Variants in FRMD4A observed in about 807,000 individuals in gnomAD.
FRMD4A encodes the protein FERM domain containing 4A, also known as FERM domain-containing protein 4A.
A neutral mutation model predicts 129.1 loss-of-function variants in FRMD4A; 29 were observed. That is an observed-to-expected ratio of 0.22 (90% CI 0.17 to 0.31). The LOEUF is 0.31. FRMD4A is among the 10% of genes least tolerant of loss of function. The pLI is 1.00. For synonymous variants in FRMD4A, 634 were observed against 571.6 expected, an observed-to-expected ratio of 1.11 and a Z score of -1.56; for missense variants, 1,272 against 1,375.8, an observed-to-expected ratio of 0.92 and a Z score of 1.19.
intron 15 of FRMD4A, chr10:13,684,871 G>C: frequency 1.1e-6 from 1 of 876,960 alleles, no homozygotes; most frequent in South Asian, 5.2e-5. Flanking sequence ...AGACCTTAGA[G>C]AAAAAAAAAA....
Position 13,656,976 on chromosome 10 carries a change from G to T in FRMD4A, c.2613C>A (p.Asn871Lys). The T allele has an allele frequency of 6.5e-7, 1 of 1,549,350 alleles. No individual in the cohort carries two copies. The highest frequency in any genetic ancestry group is 8.7e-7 in the Non-Finnish European group (1 of 1,155,124). The change falls in exon 22 of 25, where the codon AAC becomes AAA. Residue 871 changes from asparagine (N) to lysine (K), a missense_variant. This residue lies in a region of FRMD4A where 972 missense variants were observed against 892.3 expected (regional missense o/e 1.09). Coordinates refer to ENST00000357447, the MANE Select transcript of FRMD4A (RefSeq NM_018027.5). ...TGAACAGGCCGCCCGCCGTGTAGGA[G>T]TTGGACGTCTTGAACTGAGCCTTGA... ...YSVKAQFKTS[N>K]SYTAGGLFKE...
Position 13,775,862 on chromosome 10 carries a change from A to G in FRMD4A, c.384+7060T>C, listed in dbSNP as rs139563404. On this transcript the variant is annotated intron_variant, in intron 6 of 24. Coordinates refer to ENST00000357447, the MANE Select transcript of FRMD4A (RefSeq NM_018027.5). ...TGGTAGACATCTGAGAATCTGTAGG[A>G]ACTTTTGGGAGAAAAGTGAAGGGTA... Among the ~76,000 whole-genome samples the G allele has an allele frequency of 3.2e-3, 486 of 151,532 alleles. 1 individual carries two copies. The highest frequency in any genetic ancestry group is 5.7e-3 in the Non-Finnish European group (384 of 67,918).
chr10:13,952,841 C>T (rs1451060287), intron 2 of FRMD4A, among the ~76,000 whole-genome samples: 2 of 151,980 alleles, frequency 1.3e-5, no homozygotes, highest in African/African-American at 4.8e-5. Context: ...CCATGGTGCC[C>T]ACCACCATGT....
At chr10:13,867,821 AAT>A (rs1589097082) in intron 2 of FRMD4A, among the ~76,000 whole-genome samples, 1 of 137,584 alleles carries the variant, frequency 7.3e-6, no homozygotes, top group East Asian at 2.0e-4. Flanking sequence ...TACATAATAT[AAT>A]ATATAATATA....
chr10:14,034,230 T>A (rs1030400677), intron 2 of FRMD4A, among the ~76,000 whole-genome samples: 5 of 152,180 alleles, frequency 3.3e-5, no homozygotes, highest in African/African-American at 1.2e-4. Context: ...ATTGTGCATA[T>A]CCTTGCCTGC....
chr10:14,312,106 A>G (rs1846569722), intron 2 of FRMD4A, among the ~76,000 whole-genome samples: 1 of 152,216 alleles, frequency 6.6e-6, no homozygotes, highest in Non-Finnish European at 1.5e-5. Context: ...CCATTTCCTC[A>G]GTGAAAGTAA....
chr10:13,781,655 G>C (rs566086033), intron 6 of FRMD4A, among the ~76,000 whole-genome samples: 1 of 152,166 alleles, frequency 6.6e-6, no homozygotes, highest in South Asian at 2.1e-4. Context: ...TGGGATTACA[G>C]GCATGAGCCA....
At chr10:14,130,299 T>C (rs1321168464) in intron 2 of FRMD4A, among the ~76,000 whole-genome samples, 1 of 152,200 alleles carries the variant, frequency 6.6e-6, no homozygotes, top group Non-Finnish European at 1.5e-5. Context: ...CTCACTCTGT[T>C]GCCCAGGCTG....
chr10:13,879,077 A>G (rs1462810352), intron 2 of FRMD4A, among the ~76,000 whole-genome samples: 2 of 152,222 alleles, frequency 1.3e-5, no homozygotes, highest in Non-Finnish European at 2.9e-5. Flanking sequence ...CATATCCAAC[A>G]GTATATTTTA....
At chr10:14,315,919 A>G (rs1036830327) in intron 2 of FRMD4A, among the ~76,000 whole-genome samples, 1 of 152,254 alleles carries the variant, frequency 6.6e-6, no homozygotes, top group Non-Finnish European at 1.5e-5. Context: ...TCAATGGTGG[A>G]TGACATATAG....
chr10:13,864,346 A>AAAG (rs996764860), intron 2 of FRMD4A, among the ~76,000 whole-genome samples: 1 of 150,814 alleles, frequency 6.6e-6, no homozygotes, highest in Non-Finnish European at 1.5e-5. Flanking sequence ...GTCAAAAAAA[A>AAAG]AAAAAAAAGA....
intron 2 of FRMD4A, among the ~76,000 whole-genome samples, chr10:14,267,166 G>C (rs933868563): frequency 6.6e-6 from 1 of 152,154 alleles, no homozygotes; most frequent in African/African-American, 2.4e-5. Context: ...GGTTAAGAAA[G>C]GTATGAGGTC....
chr10:13,658,844 T>C (rs566778501), intron 21 of FRMD4A, among the ~76,000 whole-genome samples: 112 of 145,570 alleles, frequency 7.7e-4, no homozygotes, highest in African/African-American at 2.7e-3. Flanking sequence ...ATCGCGCCAC[T>C]GTACTCCAGC....
intron 2 of FRMD4A, among the ~76,000 whole-genome samples, chr10:13,955,870 T>C (rs530890038): frequency 6.6e-6 from 1 of 152,334 alleles, no homozygotes; most frequent in African/African-American, 2.4e-5. Flanking sequence ...ATTATTAGAA[T>C]ACATAAAGCA....
chr10:13,958,815 C>A (rs2131353751), intron 2 of FRMD4A, among the ~76,000 whole-genome samples: 1 of 150,960 alleles, frequency 6.6e-6, no homozygotes, highest in African/African-American at 2.4e-5. Context: ...GAATTCCTGA[C>A]CTCAGGTGAT....
intron 2 of FRMD4A, among the ~76,000 whole-genome samples, chr10:14,059,779 A>G (rs908215425): frequency 3.3e-5 from 5 of 152,236 alleles, no homozygotes; most frequent in Non-Finnish European, 5.9e-5. Context: ...CCTCTAATCA[A>G]TAAGCAGGAT....
intron 2 of FRMD4A, among the ~76,000 whole-genome samples, chr10:13,872,371 G>A (rs1404918006): frequency 6.6e-6 from 1 of 152,206 alleles, no homozygotes; most frequent in Non-Finnish European, 1.5e-5. Flanking sequence ...GTTCAGACAG[G>A]ACGCTTAGAA....
At chr10:14,295,999 C>A (rs1435528077) in intron 2 of FRMD4A, among the ~76,000 whole-genome samples, 1 of 151,950 alleles carries the variant, frequency 6.6e-6, no homozygotes, top group Non-Finnish European at 1.5e-5. Flanking sequence ...ATTTTTTTTC[C>A]TATGACTGTT....
At chr10:13,850,484 T>C (rs2094126088) in intron 3 of FRMD4A, among the ~76,000 whole-genome samples, 2 of 152,178 alleles carry the variant, frequency 1.3e-5, no homozygotes, top group Non-Finnish European at 2.9e-5. Context: ...GCCCGAGACT[T>C]ACGCAGGACG....
Sources: allele counts gnomAD v4.1 joint callset (sites outside exome capture counted in the v4.1 genomes callset), GRCh38; gene constraint gnomAD v4.1.1; regional missense constraint gnomAD v4.1.1; transcripts MANE v1.5; gene names NCBI Gene and HGNC (gene_info 2026-07-23, HGNC 2026-07-21).